TPGS2: variants seen among roughly 807,000 people sequenced by gnomAD.
The protein encoded by TPGS2 is polyglutamylase subunit 2.
Under a neutral mutation model 31.1 loss-of-function variants are expected in TPGS2, and 26 were observed. That is an observed-to-expected ratio of 0.84 (90% CI 0.61 to 1.16). TPGS2 has a LOEUF of 1.16. Ranked by LOEUF, TPGS2 falls within the 50% of genes most tolerant of loss-of-function variation. TPGS2 has a pLI of 0.00. For missense variants in TPGS2, 351 were observed against 363.8 expected, an observed-to-expected ratio of 0.96 and a Z score of 0.29; for synonymous variants, 130 against 136.6, an observed-to-expected ratio of 0.95 and a Z score of 0.34.
Position 36,796,015 on chromosome 18 carries a change from G to A in TPGS2, c.*790C>T. 2.0e-6 allele frequency: 2 copies of A among 985,438 alleles called. No individual in the cohort carries two copies. The highest frequency in any genetic ancestry group is 2.4e-6 in the Non-Finnish European group (2 of 829,938). 61.0% of individuals were successfully genotyped at this position (985,438 alleles called of 1,614,324 possible). On this transcript the variant is annotated 3_prime_UTR_variant, in exon 7 of 7. Transcript: ENST00000334295. ...AAAAGTTAATAAGGAAGATAATTGTGGAACGTGTACAAACATCATAACACA... is the reference window on the plus strand; with the variant it reads ...AAAAGTTAATAAGGAAGATAATTGTAGAACGTGTACAAACATCATAACACA...
chr18:36,828,323 C>T (rs1420434925), intron 1 of TPGS2, among the ~76,000 whole-genome samples: 2 of 152,106 alleles, frequency 1.3e-5, no homozygotes, highest in Non-Finnish European at 2.9e-5. Flanking sequence ...TCTTGGGTTT[C>T]GGGGATAATG....
intron 4 of TPGS2, among the ~76,000 whole-genome samples, chr18:36,802,129 T>C (rs1439877543): frequency 6.6e-6 from 1 of 152,224 alleles, no homozygotes; most frequent in African/African-American, 2.4e-5. Context: ...AATCACTGTT[T>C]TATATATTTT....
At chr18:36,793,446 T>G (rs1416328434), downstream of TPGS2, among the ~76,000 whole-genome samples, 1 of 152,166 alleles carries the variant, frequency 6.6e-6, no homozygotes, top group Non-Finnish European at 1.5e-5. Flanking sequence ...CCAGACTGGC[T>G]TCAAACACAG....
chr18:36,811,434 C>G (rs2045421652), intron 2 of TPGS2, among the ~76,000 whole-genome samples: 1 of 152,170 alleles, frequency 6.6e-6, no homozygotes, highest in Admixed American at 6.5e-5. Context: ...CCATTAGTCT[C>G]CCTCTAAAAA....
At chr18:36,792,991 G>A (rs1257475272), downstream of TPGS2, among the ~76,000 whole-genome samples, 1 of 152,102 alleles carries the variant, frequency 6.6e-6, no homozygotes. Flanking sequence ...AAATTTCCTG[G>A]GTGTTTTTTC....
At chr18:36,822,334 C>T (rs1245269729) in intron 1 of TPGS2, among the ~76,000 whole-genome samples, 1 of 152,190 alleles carries the variant, frequency 6.6e-6, no homozygotes, top group Non-Finnish European at 1.5e-5. Context: ...ATGGATTCCT[C>T]TAGATTCTAA....
At chr18:36,783,323 C>T (rs1387484312) in intron 6 of TPGS2, among the ~76,000 whole-genome samples, 1 of 152,098 alleles carries the variant, frequency 6.6e-6, no homozygotes, top group East Asian at 1.9e-4. Flanking sequence ...TGAATAGTAC[C>T]TTACACTTGT....
chr18:36,807,887 C>T lies in TPGS2; in HGVS notation c.213G>A (p.Met71Ile). ...TCCATGTCATGTGGAAGCCATTGGT[C>T]ATCAGGTAAAAGTTCTTCACATCTT... is the stretch of plus-strand genomic sequence containing the variant. ...MPEDVKNFYL[M>I]TNGFHMTWSV... Residue 71 changes from methionine (M) to isoleucine (I), a missense_variant, in exon 3 of 7, where the codon ATG becomes ATA. Coordinates refer to ENST00000334295, the MANE Select transcript of TPGS2 (RefSeq NM_015476.4). 1 of 1,614,184 alleles carries T rather than the reference C, an allele frequency of 6.2e-7. No individual in the cohort carries two copies. Among genetic ancestry groups the T allele is most frequent in the Non-Finnish European group, 8.5e-7 (1 of 1,180,042 alleles).
rs397962723 is a variant in TPGS2, at chr18:36,806,850, T to TAAAAA, written c.253+992_253+996dup. 6.1e-3 allele frequency among the ~76,000 whole-genome samples: 226 copies of TAAAAA among 37,338 alleles called. 49 individuals are homozygous for TAAAAA. Among genetic ancestry groups the TAAAAA allele is most frequent in the African/African-American group, 0.032 (214 of 6,634 alleles). 24.5% of individuals were successfully genotyped at this position (37,338 alleles called of 152,430 possible). On this transcript the variant is annotated intron_variant, in intron 3 of 6. Transcript: ENST00000334295. ...TGGGCAACAGAGTGAGACTCCATCT[T>TAAAAA]AAAAAAAAAAAAAAAAAAAAAAAAA...
rs2150550065 is a variant in TPGS2 at position 36,794,541 on chromosome 18, A to G, written c.*2264T>C. 1.0e-6 allele frequency: 1 copy of G among 985,450 alleles called. No homozygotes were observed. Among genetic ancestry groups the G allele is most frequent in the African/African-American group, 1.7e-5 (1 of 57,360 alleles). The allele number at this position is 985,450 out of a possible 1,614,324, so 61.0% of individuals were successfully genotyped here. A position where few individuals can be genotyped will look rare whatever the true frequency, so the allele number is the denominator to read the frequency against. ...AAAGGGGTATCTGCTGCAGTGGAAG[A>G]TGACATAACTTCTCAACTCCCTTCT... On this transcript the variant is annotated 3_prime_UTR_variant, in exon 7 of 7. Coordinates refer to ENST00000334295, the MANE Select transcript of TPGS2 (RefSeq NM_015476.4).
chr18:36,828,619 T>C, intron 1 of TPGS2, 64 bp downstream of exon 1: 1 of 1,577,420 alleles, frequency 6.3e-7, no homozygotes, highest in East Asian at 2.2e-5. Flanking sequence ...ACCCCGCACC[T>C]CATCCCTCCG....
chr18:36,809,950 T>C (rs2045343076), intron 2 of TPGS2, among the ~76,000 whole-genome samples: 1 of 152,202 alleles, frequency 6.6e-6, no homozygotes, highest in South Asian at 2.1e-4. Flanking sequence ...TTTGGTATTA[T>C]TTTATACCAA....
At position 36,807,871 on chromosome 18, in the gene TPGS2, T is replaced by C. The variant is rs1343558642; in HGVS notation, c.229A>G (p.Met77Val). ...CCATCCAGCTTCACACTCCATGTCA[T>C]GTGGAAGCCATTGGTCATCAGGTAA... ...NFYLMTNGFH[M>V]TWSVKLDEHI... Residue 77 changes from methionine (M) to valine (V), a missense_variant, in exon 3 of 7, where the codon ATG becomes GTG. Transcript: ENST00000334295. 7 of 1,614,202 alleles carry C rather than the reference T, an allele frequency of 4.3e-6. No individual in the cohort carries two copies. The highest frequency in any genetic ancestry group is 1.3e-5 in the African/African-American group (1 of 75,070).
At chr18:36,809,269 A>G (rs1386573489) in intron 2 of TPGS2, among the ~76,000 whole-genome samples, 2 of 152,188 alleles carry the variant, frequency 1.3e-5, no homozygotes, top group Non-Finnish European at 2.9e-5. Context: ...GGAAGAGAGG[A>G]GACTAGGAAA....
chr18:36,781,298 A>G (rs566703903), downstream of TPGS2, among the ~76,000 whole-genome samples: 1 of 152,292 alleles, frequency 6.6e-6, no homozygotes, highest in Non-Finnish European at 1.5e-5. Context: ...AAACCATTGC[A>G]GCAGGTATTT....
Position 36,796,567 on chromosome 18 carries a change from GCACT to G in TPGS2, c.*234_*237del. On this transcript the variant is annotated 3_prime_UTR_variant, in exon 7 of 7. Transcript: ENST00000334295. ...GAGGAAAGCACTCAGACTTATTTGG[GCACT>G]TACACAAGATTCCAAATTCCCCATT... 3 of 1,312,570 alleles carry G rather than the reference GCACT, an allele frequency of 2.3e-6. No homozygotes were observed. The highest frequency in any genetic ancestry group is 2.9e-6 in the Non-Finnish European group (3 of 1,037,466). The allele number at this position is 1,312,570 out of a possible 1,614,324, so 81.3% of individuals were successfully genotyped here.
chr18:36,820,514 A>G (rs939239871), intron 1 of TPGS2, among the ~76,000 whole-genome samples: 1 of 152,176 alleles, frequency 6.6e-6, no homozygotes, highest in Non-Finnish European at 1.5e-5. Context: ...GGTGTTGGGG[A>G]TATGGAAGAG....
chr18:36,802,182 TG>T (rs763767550), intron 4 of TPGS2, among the ~76,000 whole-genome samples: 4 of 152,244 alleles, frequency 2.6e-5, no homozygotes, highest in Non-Finnish European at 5.9e-5. Context: ...TAGATAAATC[TG>T]GTCTGTTACT....
Position 36,794,111 on chromosome 18 carries a change from A to AT in TPGS2, c.*2693dup, listed in dbSNP as rs1309508296. 4.7e-5 allele frequency: 11 copies of AT among 231,954 alleles called. No homozygotes were observed. The highest frequency in any genetic ancestry group is 7.1e-5 in the Non-Finnish European group (10 of 141,128). The allele number at this position is 231,954 out of a possible 1,614,324, so 14.4% of individuals were successfully genotyped here. On this transcript the variant is annotated 3_prime_UTR_variant, in exon 7 of 7. Coordinates refer to ENST00000334295, the MANE Select transcript of TPGS2 (RefSeq NM_015476.4). ...ATGAATAGTAAAATGCATGATAGGA[A>AT]TTTAACATTTAAGTTTTTAGTTAGA...
Sources: allele counts gnomAD v4.1 joint callset (sites outside exome capture counted in the v4.1 genomes callset), GRCh38; gene constraint gnomAD v4.1.1; transcripts MANE v1.5; gene names NCBI Gene and HGNC (gene_info 2026-07-23, HGNC 2026-07-21).